The following ATG14 variants were observed in gnomAD, a reference collection of about 807,000 sequenced individuals.
The protein encoded by ATG14 is autophagy related 14, also known as beclin 1-associated autophagy-related key regulator.
A neutral mutation model predicts 60.4 loss-of-function variants in ATG14; 35 were observed. That is an observed-to-expected ratio of 0.58 (90% CI 0.44 to 0.77). ATG14 has a LOEUF of 0.77. Ranked by LOEUF, ATG14 falls within the 30% of genes least tolerant of loss-of-function variation. The pLI, the probability that ATG14 is intolerant of heterozygous loss-of-function variation, is 0.00. For synonymous variants in ATG14, 234 were observed against 228.8 expected, an observed-to-expected ratio of 1.02 and a Z score of -0.21; for missense variants, 647 against 626.3, an observed-to-expected ratio of 1.03 and a Z score of -0.35.
chr14:55,395,346 T>C (rs536436648), intron 3 of ATG14: 5 of 216,452 alleles, frequency 2.3e-5, no homozygotes, highest in Non-Finnish European at 4.6e-5. Flanking sequence ...TCTTTAATTG[T>C]TAAATTTTTT....
intron 7 of ATG14, among the ~76,000 whole-genome samples, chr14:55,378,927 C>G (rs1159658758): frequency 6.6e-6 from 1 of 151,952 alleles, no homozygotes; most frequent in African/African-American, 2.4e-5. Context: ...AGGCTGGTCT[C>G]TAACTCCTGA....
At chr14:55,381,022 A>T (rs1283275237) in intron 6 of ATG14, among the ~76,000 whole-genome samples, 1 of 151,932 alleles carries the variant, frequency 6.6e-6, no homozygotes, top group Non-Finnish European at 1.5e-5. Flanking sequence ...TCACCTCTCC[A>T]GAGAGGGCTC....
chr14:55,380,918 T>C (rs926425527), intron 6 of ATG14, among the ~76,000 whole-genome samples: 4 of 141,848 alleles, frequency 2.8e-5, no homozygotes, highest in African/African-American at 1.1e-4. Context: ...ACAGAGCAAA[T>C]GGGCCTAAAT....
At chr14:55,371,375 ACCTGTGCTTC>A (rs566294400) in intron 9 of ATG14, among the ~76,000 whole-genome samples, 1 of 152,128 alleles carries the variant, frequency 6.6e-6, no homozygotes, top group South Asian at 2.1e-4. Context: ...CCTCCCAGAC[ACCTGTGCTTC>A]CCAGATGGAT....
intron 1 of ATG14, among the ~76,000 whole-genome samples, chr14:55,409,635 G>A (rs185491192): frequency 1.1e-4 from 16 of 152,108 alleles, no homozygotes; most frequent in Admixed American, 7.9e-4. Flanking sequence ...ATACCACTGC[G>A]AAGGTCCTGA....
chr14:55,403,179 T>C (rs1885438273), intron 1 of ATG14, among the ~76,000 whole-genome samples: 1 of 151,740 alleles, frequency 6.6e-6, no homozygotes, highest in Non-Finnish European at 1.5e-5. Context: ...ATGGGAATAA[T>C]GCTTACATAC....
At chr14:55,380,876 T>TATG (rs1555341864) in intron 6 of ATG14, among the ~76,000 whole-genome samples, 186 bp from the exon 7 acceptor site, 1 of 84,380 alleles carries the variant, frequency 1.2e-5, no homozygotes, top group Admixed American at 1.1e-4. Context: ...TATATATATA[T>TATG]TTTTTTTTTT....
At chr14:55,389,591 C>T (rs1443961172) in intron 4 of ATG14, among the ~76,000 whole-genome samples, 1 of 152,198 alleles carries the variant, frequency 6.6e-6, no homozygotes, top group Non-Finnish European at 1.5e-5. Context: ...CTGATGGTGA[C>T]TCATTCTAAA....
At chr14:55,398,104 TGCCCA>T (rs1885343089) in intron 1 of ATG14, among the ~76,000 whole-genome samples, 1 of 151,976 alleles carries the variant, frequency 6.6e-6, no homozygotes, top group Admixed American at 6.6e-5. Context: ...CCTGCCACCA[TGCCCA>T]GCTAATTTTG....
chr14:55,378,127 G>A (rs1884956242), intron 7 of ATG14, 53 bp from the exon 8 acceptor site: 5 of 1,497,776 alleles, frequency 3.3e-6, no homozygotes, highest in Non-Finnish European at 4.6e-6. Flanking sequence ...GAAATTCTAT[G>A]TTAAAATTTC....
chr14:55,402,535 C>T (rs1389383717), intron 1 of ATG14, among the ~76,000 whole-genome samples: 1 of 151,984 alleles, frequency 6.6e-6, no homozygotes, highest in African/African-American at 2.4e-5. Flanking sequence ...GGGAGAAAGA[C>T]TAAATGATAG....
At chr14:55,396,037 G>C (rs915651366) in intron 2 of ATG14, 55 bp from the exon 3 acceptor site, 3 of 1,359,004 alleles carry the variant, frequency 2.2e-6, no homozygotes, top group Non-Finnish European at 2.0e-6. Flanking sequence ...ATTCTGTGAA[G>C]TTCAAAAATG....
intron 4 of ATG14, among the ~76,000 whole-genome samples, chr14:55,388,861 G>C (rs186880155): frequency 6.6e-6 from 1 of 152,306 alleles, no homozygotes; most frequent in Admixed American, 6.5e-5. Context: ...GCTATTCAAA[G>C]TGTGGCGTCT....
intron 9 of ATG14, among the ~76,000 whole-genome samples, chr14:55,377,313 C>G (rs1884937893): frequency 1.3e-5 from 2 of 152,046 alleles, no homozygotes; most frequent in African/African-American, 4.8e-5. Flanking sequence ...CACCACTGCA[C>G]TCTAGCCTGG....
Position 55,382,134 on chromosome 14 carries a change from G to C in ATG14, c.705C>G (p.Ser235Arg), listed in dbSNP as rs769029398. 1.1e-5 allele frequency: 17 copies of C among 1,614,130 alleles called. No individual in the cohort carries two copies. In the South Asian group the frequency reaches 1.9e-4, roughly 18 times the overall value. The change falls in exon 6 of 10, where the codon AGC becomes AGG. Residue 235 changes from serine to arginine, a missense_variant. Transcript: ENST00000247178. ...SDSAMTSSTV[S>R]KLAEARRTTY... ...TTGTCCTCCGGGCTTCAGCAAGCTT[G>C]CTCACAGTGCTGGAGGTCATGGCAC... is the stretch of plus-strand genomic sequence containing the variant.
chr14:55,399,321 C>G (rs979597673), intron 1 of ATG14, among the ~76,000 whole-genome samples: 1 of 152,224 alleles, frequency 6.6e-6, no homozygotes, highest in Non-Finnish European at 1.5e-5. Context: ...CTGCCATCCA[C>G]ATTCCAACAG....
At chr14:55,375,623 C>T (rs1409032972) in intron 9 of ATG14, among the ~76,000 whole-genome samples, 3 of 150,430 alleles carry the variant, frequency 2.0e-5, no homozygotes, top group Non-Finnish European at 4.4e-5. Context: ...GCATTATAGG[C>T]GTGAGCCACC....
At chr14:55,386,555 AGAG>A (rs761471834) in intron 4 of ATG14, among the ~76,000 whole-genome samples, 3 of 152,356 alleles carry the variant, frequency 2.0e-5, no homozygotes, top group Middle Eastern at 3.4e-3. Context: ...GTCATCCAGT[AGAG>A]GAGAAGGGCA....
At chr14:55,377,762 A>G in intron 9 of ATG14, 57 bp downstream of exon 9, 1 of 1,307,244 alleles carries the variant, frequency 7.6e-7, no homozygotes, top group Non-Finnish European at 1.1e-6. Flanking sequence ...CCAACATACA[A>G]CTCCTCTAAC....
Sources: gnomAD v4.1 joint callset for allele counts (sites outside exome capture counted in the v4.1 genomes callset) on GRCh38, gnomAD v4.1.1 for gene constraint, MANE v1.5 for transcripts, NCBI Gene and HGNC (gene_info 2026-07-23, HGNC 2026-07-21) for gene names.